PHF3: variants seen among roughly 807,000 people sequenced by gnomAD.
PHF3 encodes PHD finger protein 3.
Under a neutral mutation model 178.4 loss-of-function variants are expected in PHF3, and 41 were observed. The ratio of observed to expected loss-of-function variants is 0.23; its 90% CI spans 0.18 to 0.30. The LOEUF (loss-of-function observed/expected upper bound fraction) is 0.30, where lower values mean the gene tolerates loss of function less well. Among genes scored for constraint, PHF3 ranks in the 10% least tolerant of loss-of-function variants. PHF3 has a pLI of 1.00. For synonymous variants in PHF3, 842 were observed against 800.5 expected (o/e 1.05, Z -0.88); for missense variants, 2,346 against 2,398.1 (o/e 0.98, Z 0.45).
rs750837948 is a variant in PHF3, at chr6:63,712,251, T to C, written c.4663T>C (p.Leu1555=). 4 of 1,613,940 alleles carry C rather than the reference T, an allele frequency of 2.5e-6. No individual in the cohort carries two copies. In the African/African-American group the frequency reaches 5.3e-5, roughly 22 times the overall value. The change falls in exon 16 of 16, where the codon TTG becomes CTG. Residue 1555 remains leucine, a synonymous_variant. Coordinates refer to ENST00000262043, the MANE Select transcript of PHF3 (RefSeq NM_001370348.2). ...VGSSSISAGS[L]TSLSLRGKPP... ...GTCCTCTTCCATTTCTGCAGGGTCT[T>C]TGACGAGTCTTAGTCTCAGAGGTAA...
At chr6:63,706,608 C>A in intron 12 of PHF3, 121 bp from the exon 13 acceptor site, 1 of 761,988 alleles carries the variant, frequency 1.3e-6, no homozygotes, top group Non-Finnish European at 2.1e-6. Flanking sequence ...AGTGTGAACT[C>A]TTTGTCAATA....
At chr6:63,709,589 C>CT (rs1397026413) in intron 14 of PHF3, among the ~76,000 whole-genome samples, 1 of 152,122 alleles carries the variant, frequency 6.6e-6, no homozygotes, top group African/African-American at 2.4e-5. Context: ...AAAAGAGAAT[C>CT]TAAAATATAG....
chr6:63,708,345 G>A (rs73762458), intron 13 of PHF3, among the ~76,000 whole-genome samples: 5,840 of 151,608 alleles, frequency 0.039, 385 homozygotes, highest in African/African-American at 0.13. Flanking sequence ...TTCTTTAAAC[G>A]GAGAGGTAAG....
At position 63,718,484 on chromosome 6, in the gene PHF3, A is replaced by G. The variant is rs895555133; in HGVS notation, c.*4776A>G. 6.6e-6 allele frequency among the ~76,000 whole-genome samples: 1 copy of G among 152,056 alleles called. No homozygotes were observed. Among genetic ancestry groups the G allele is most frequent in the Non-Finnish European group, 1.5e-5 (1 of 67,944 alleles). On this transcript the variant is annotated 3_prime_UTR_variant, in exon 16 of 16. Coordinates refer to ENST00000262043, the MANE Select transcript of PHF3 (RefSeq NM_001370348.2). Reference sequence around the variant, plus strand: ...TCTCATCTGTTAATGTAACATTTATATAAAAGTTAACTTCCAAACTAATTT... The same window carrying G: ...TCTCATCTGTTAATGTAACATTTATGTAAAAGTTAACTTCCAAACTAATTT...
At position 63,715,981 on chromosome 6, in the gene PHF3, A is replaced by AT. The variant is rs1768178000; in HGVS notation, c.*2273_*2274insT. On this transcript the variant is annotated 3_prime_UTR_variant, in exon 16 of 16. Transcript: ENST00000262043. ...TAAAAAAAGTTTTACACTTAAAAAA[A>AT]CTTAGAATCATCTTAAGACAGTGAA... 6.6e-6 allele frequency among the ~76,000 whole-genome samples: 1 copy of AT among 152,146 alleles called. No homozygotes were observed.
chr6:63,665,608 C>T (rs952118268), intron 2 of PHF3, among the ~76,000 whole-genome samples: 1 of 151,412 alleles, frequency 6.6e-6, no homozygotes, highest in African/African-American at 2.4e-5. Flanking sequence ...GCCTCAGCCA[C>T]CCAAGCAGCT....
At chr6:63,689,867 A>C (rs954028972) in intron 4 of PHF3, among the ~76,000 whole-genome samples, 1 of 152,180 alleles carries the variant, frequency 6.6e-6, no homozygotes, top group African/African-American at 2.4e-5. Context: ...CACTGAAACT[A>C]TCCCAGACTT....
intron 2 of PHF3, among the ~76,000 whole-genome samples, chr6:63,654,511 G>A (rs1268051214): frequency 6.6e-6 from 1 of 152,152 alleles, no homozygotes; most frequent in Non-Finnish European, 1.5e-5. Flanking sequence ...TGAATGTGGA[G>A]TATGTTTTGA....
Position 63,703,786 on chromosome 6 carries a change from C to A in PHF3, c.3367+115C>A. On this transcript the variant is annotated intron_variant, in intron 11 of 15. Transcript: ENST00000262043. ...TTTTCCCAATATTGGTGGTGAGGCA[C>A]TCACTCACAGTCTTTAAGCTTTCGT... The A allele has an allele frequency of 7.4e-6, 7 of 948,560 alleles. No homozygotes were observed. In the Admixed American group the frequency reaches 1.7e-4, roughly 23 times the overall value. The allele number at this position is 948,560 out of a possible 1,614,324, so 58.8% of individuals were successfully genotyped here.
Position 63,713,316 on chromosome 6 carries a change from G to A in PHF3, c.5728G>A (p.Asp1910Asn), listed in dbSNP as rs369636041. Residue 1910 changes from aspartate to asparagine, a missense_variant, in exon 16 of 16, where the codon GAT becomes AAT. This residue lies in a region of PHF3 where 839 missense variants were observed against 806.9 expected (regional missense o/e 1.04). Coordinates refer to ENST00000262043, the MANE Select transcript of PHF3 (RefSeq NM_001370348.2). ...PWGRQDQQQL[D>N]RPFNRGKGDR... ...GGGTAGGCAAGACCAACAGCAACTG[G>A]ATAGGCCATTTAATAGGGGTAAAGG... 6.2e-7 allele frequency: 1 copy of A among 1,613,926 alleles called. No homozygotes were observed. The highest frequency in any genetic ancestry group is 1.3e-5 in the African/African-American group (1 of 74,902).
At chr6:63,697,272 A>G (rs1767272157) in intron 6 of PHF3, among the ~76,000 whole-genome samples, 1 of 152,192 alleles carries the variant, frequency 6.6e-6, no homozygotes. Flanking sequence ...TGGGAAAATG[A>G]TAGTTGACAG....
intron 6 of PHF3, among the ~76,000 whole-genome samples, chr6:63,697,980 T>C (rs113253713): frequency 3.7e-4 from 56 of 152,256 alleles, no homozygotes; most frequent in Middle Eastern, 6.8e-3. Context: ...TTAATATATA[T>C]GTGTGGAAAA....
chr6:63,685,144 G>C lies in PHF3; in HGVS notation c.1422G>C (p.Gln474His), dbSNP rs138804409. The C allele has an allele frequency of 5.4e-5, 87 of 1,613,902 alleles. No individual in the cohort carries two copies. In the African/African-American group the frequency reaches 1.1e-3, roughly 21 times the overall value. ...ACCTTCAGGATGACAGAAACAGCCAGTCAAGTAGCGTTTCTTACTTAGAGT... is the reference window on the plus strand; with the variant it reads ...ACCTTCAGGATGACAGAAACAGCCACTCAAGTAGCGTTTCTTACTTAGAGT... ...TANLQDDRNS[Q>H]SSSVSYLESK... The change falls in exon 4 of 16, where the codon CAG becomes CAC. Residue 474 changes from glutamine (Q) to histidine (H), a missense_variant. By Grantham distance (24) the Gln-to-His change is conservative (BLOSUM62 0). This residue lies in a region of PHF3 where 843 missense variants were observed against 795.2 expected (regional missense o/e 1.06). Coordinates refer to ENST00000262043, the MANE Select transcript of PHF3 (RefSeq NM_001370348.2).
chr6:63,637,792 G>A (rs866017788), intron 1 of PHF3, among the ~76,000 whole-genome samples: 1 of 152,240 alleles, frequency 6.6e-6, no homozygotes, highest in Middle Eastern at 3.4e-3. Context: ...TATGTAAAAA[G>A]ATTACAACTT....
At chr6:63,663,279 G>C (rs1765545256) in intron 2 of PHF3, among the ~76,000 whole-genome samples, 1 of 152,142 alleles carries the variant, frequency 6.6e-6, no homozygotes, top group Admixed American at 6.5e-5. Context: ...CTAATTTATA[G>C]TGGCCCAGAA....
rs1764313785 is a variant in PHF3 at position 63,636,040 on chromosome 6, G to C, written c.-136G>C. The C allele has an allele frequency of 2.5e-6, 1 of 395,370 alleles. No individual in the cohort carries two copies. The highest frequency in any genetic ancestry group is 2.1e-5 in the African/African-American group (1 of 48,458). 24.5% of individuals were successfully genotyped at this position (395,370 alleles called of 1,614,324 possible). A position where few individuals can be genotyped will look rare whatever the true frequency, so the allele number is the denominator to read the frequency against. On this transcript the variant is annotated 5_prime_UTR_variant, in exon 1 of 16. Transcript: ENST00000262043. ...TGGCAGCGACGCCGACGTCCTGCGC[G>C]TACCCCCTCTCCGCGGCACCCACCG...
chr6:63,682,331 G>A (rs1388676609), intron 3 of PHF3, among the ~76,000 whole-genome samples: 3 of 152,084 alleles, frequency 2.0e-5, no homozygotes, highest in African/African-American at 7.2e-5. Context: ...CTTTTGAGGT[G>A]TTAATGGTGT....
intron 2 of PHF3, 53 bp from the exon 3 acceptor site, chr6:63,679,947 G>A: frequency 1.4e-6 from 2 of 1,421,060 alleles, no homozygotes; most frequent in South Asian, 2.3e-5. Context: ...GCCTTTAATT[G>A]CCTAACATTC....
At chr6:63,696,778 T>C (rs1054481955) in intron 6 of PHF3, among the ~76,000 whole-genome samples, 1 of 151,834 alleles carries the variant, frequency 6.6e-6, no homozygotes, top group African/African-American at 2.4e-5. Flanking sequence ...TTTAGTAAGA[T>C]TAACACAAGA....
Sources: gnomAD v4.1 joint callset for allele counts (sites outside exome capture counted in the v4.1 genomes callset) on GRCh38, gnomAD v4.1.1 for gene constraint, gnomAD v4.1.1 regional missense constraint, MANE v1.5 for transcripts, NCBI Gene and HGNC (gene_info 2026-07-23, HGNC 2026-07-21) for gene names.